ADAMTS13: variants seen among roughly 807,000 people sequenced by gnomAD.
The protein encoded by ADAMTS13 is A disintegrin and metalloproteinase with thrombospondin motifs 13.
Under a neutral mutation model 155.1 loss-of-function variants are expected in ADAMTS13, and 110 were observed. That is an observed-to-expected ratio of 0.71 (90% CI 0.61 to 0.83). ADAMTS13 has a LOEUF of 0.83. ADAMTS13 is among the 40% of genes least tolerant of loss of function. ADAMTS13 has a pLI of 0.00. For synonymous variants in ADAMTS13, 758 were observed against 756.4 expected (o/e 1.00, Z -0.03); for missense variants, 1,707 against 1,891.7 (o/e 0.90, Z 1.81).
Position 133,456,224 on chromosome 9 carries a change from AG to A in ADAMTS13, c.3547+12del, listed in dbSNP as rs782040864. 4.3e-6 allele frequency: 7 copies of A among 1,613,350 alleles called. No homozygotes were observed. The East Asian group carries it at 1.6e-4, about 36-fold the overall frequency. On this transcript the variant is annotated intron_variant, in intron 26 of 28. Transcript: ENST00000355699. This position sits in a 1 kb window ranked among gnomAD's most constrained non-coding sequence, Gnocchi z 4.4. The stretch of plus-strand genomic sequence containing the variant: ...TCTCAACTGCAGTGCGGGTATGTCT[AG>A]GGCCATGCAAGCGATGCTGCCAGTT...
rs1554788149 is a variant in ADAMTS13, at chr9:133,433,507, A to T, written c.1222A>T (p.Arg408Trp). Reference sequence around the variant, plus strand: ...CTGCGGAGGAGGTGTGGTCACCAGGAGGCGGCAGTGCAACAACCCCAGGTA... The same window carrying T: ...CTGCGGAGGAGGTGTGGTCACCAGGTGGCGGCAGTGCAACAACCCCAGGTA... ...RSCGGGVVTR[R>W]RQCNNPRPAF... The change falls in exon 10 of 29, where the codon AGG (arginine) becomes TGG (tryptophan). Residue 408 changes from arginine (R) to tryptophan (W), a missense_variant. By Grantham distance (101) the Arg-to-Trp change is moderately radical. Transcript: ENST00000355699. 1.2e-6 allele frequency: 2 copies of T among 1,613,538 alleles called. No homozygotes were observed. Among genetic ancestry groups the T allele is most frequent in the Admixed American group, 3.3e-5 (2 of 60,008 alleles).
At chr9:133,429,385 A>C (rs1840548695) in intron 7 of ADAMTS13, among the ~76,000 whole-genome samples, 2 of 109,502 alleles carry the variant, frequency 1.8e-5, no homozygotes, top group Non-Finnish European at 1.8e-5. Flanking sequence ...CCGCCCCTTG[A>C]CTCCACATAC....
chr9:133,456,433 GC>G lies in ADAMTS13; in HGVS notation c.3548-108del, dbSNP rs975838760. ...GTGCCCAGTTACTTAGAGTCACATA[GC>G]CAGCAGTGGGAGAGGTGGGACTTGA... On this transcript the variant is annotated intron_variant, in intron 26 of 28. Coordinates refer to ENST00000355699, the MANE Select transcript of ADAMTS13 (RefSeq NM_139027.6). The surrounding 1 kb of genome is among the most constrained non-coding windows in gnomAD (Gnocchi z 4.4). The G allele has an allele frequency of 6.9e-7, 1 of 1,443,016 alleles. No homozygotes were observed. The highest frequency in any genetic ancestry group is 1.4e-5 in the African/African-American group (1 of 71,344). The allele number at this position is 1,443,016 out of a possible 1,614,324, so 89.4% of individuals were successfully genotyped here. A position where few individuals can be genotyped will look rare whatever the true frequency, so the allele number is the denominator to read the frequency against.
upstream of ADAMTS13, chr9:133,417,609 T>C: frequency 6.2e-7 from 1 of 1,612,642 alleles, no homozygotes; most frequent in Non-Finnish European, 8.5e-7. Context: ...CCGGGCCCCC[T>C]CAAGCCTCAC....
chr9:133,423,036 C>T lies in ADAMTS13; in HGVS notation c.106-65C>T, dbSNP rs995866594. ...AGTGATCCTCCCACCTCGGTCTCCC[C>T]AAGTGTTAGGATTACAGGCCAGAGC... is the stretch of plus-strand genomic sequence containing the variant. On this transcript the variant is annotated intron_variant, in intron 1 of 28. Transcript: ENST00000355699. The T allele has an allele frequency of 7.5e-6, 11 of 1,465,958 alleles. No homozygotes were observed. The Admixed American group carries it at 1.9e-4, about 25-fold the overall frequency. The allele number at this position is 1,465,958 out of a possible 1,614,324, so 90.8% of individuals were successfully genotyped here.
chr9:133,449,828 G>A lies in ADAMTS13; in HGVS notation c.2907G>A (p.Gly969=). 3 of 1,614,066 alleles carry A rather than the reference G, an allele frequency of 1.9e-6. No individual in the cohort carries two copies. Among genetic ancestry groups the A allele is most frequent in the East Asian group, 2.2e-5 (1 of 44,876 alleles). ...LAACSVSCGR[G]VVRRILYCAR... is the part of the protein sequence containing the mutation. ...CCTGCAGCGTGAGCTGTGGGAGAGG[G>A]GTCGTGCGGAGGATCCTGTATTGTG... The change falls in exon 23 of 29, where the codon GGG becomes GGA. Residue 969 remains glycine (G), a synonymous_variant. Transcript: ENST00000355699.
Position 133,425,472 on chromosome 9 carries a change from G to A in ADAMTS13, c.331-57G>A. The A allele has an allele frequency of 2.0e-6, 3 of 1,525,148 alleles. No individual in the cohort carries two copies. The highest frequency in any genetic ancestry group is 2.7e-6 in the Non-Finnish European group (3 of 1,117,164). 94.5% of individuals were successfully genotyped at this position (1,525,148 alleles called of 1,614,324 possible). A position where few individuals can be genotyped will look rare whatever the true frequency, so the allele number is the denominator to read the frequency against. On this transcript the variant is annotated intron_variant, in intron 3 of 28. Transcript: ENST00000355699. This position sits in a 1 kb window ranked among gnomAD's most constrained non-coding sequence, Gnocchi z 4.6. ...CGGGGGCCCCTGGGAGTCAGCAGCT[G>A]CCTGGGGCTGGCAATGCCCACCCGA...
At position 133,428,704 on chromosome 9, in the gene ADAMTS13, G is replaced by C; in HGVS notation, c.757G>C (p.Gly253Arg). The C allele has an allele frequency of 7.4e-7, 1 of 1,353,024 alleles. No individual in the cohort carries two copies. Among genetic ancestry groups the C allele is most frequent in the East Asian group, 3.3e-5 (1 of 30,322 alleles). The allele number at this position is 1,353,024 out of a possible 1,614,324, so 83.8% of individuals were successfully genotyped here. The change falls in exon 7 of 29, where the codon GGC (glycine) becomes CGC (arginine). Residue 253 changes from glycine (G) to arginine (R), a missense_variant. Transcript: ENST00000355699. ...CAGCGGACACGTGATGGCTTCGGAC[G>C]GCGCCGCGCCCCGCGCCGGCCTCGC... Reference protein sequence around the residue: ...GPSGHVMASDGAAPRAGLAWS... With the variant: ...GPSGHVMASDRAAPRAGLAWS...
At chr9:133,414,737 A>G (rs371005191) in intron 1 of ADAMTS13, 7 of 1,614,048 alleles carry the variant, frequency 4.3e-6, no homozygotes, top group Non-Finnish European at 5.1e-6. Flanking sequence ...TTCTGGAACA[A>G]TATCACCATT....
chr9:133,415,638 G>A (rs587725435), intron 1 of ADAMTS13: 3 of 152,548 alleles, frequency 2.0e-5, no homozygotes, highest in African/African-American at 4.8e-5. Context: ...ACCACAGTGC[G>A]ATGATGAGGC....
intron 1 of ADAMTS13, among the ~76,000 whole-genome samples, chr9:133,416,625 G>A (rs1454294058): frequency 6.6e-6 from 1 of 152,216 alleles, no homozygotes; most frequent in African/African-American, 2.4e-5. Flanking sequence ...GCACGTGGAA[G>A]AGTGTCTAGG....
intron 11 of ADAMTS13, among the ~76,000 whole-genome samples, chr9:133,434,409 G>A (rs587711870): frequency 2.6e-5 from 4 of 152,148 alleles, no homozygotes; most frequent in Admixed American, 6.5e-5. Context: ...AGGTTCAAGC[G>A]ATTCTCCTGC....
chr9:133,449,622 C>A (rs1779756929), intron 22 of ADAMTS13, among the ~76,000 whole-genome samples, 161 bp from the exon 23 acceptor site: 1 of 152,252 alleles, frequency 6.6e-6, no homozygotes, highest in South Asian at 2.1e-4. Context: ...TCTGCCAAGC[C>A]TCTTGGTGAG....
chr9:133,419,400 G>T (rs1839854335), upstream of ADAMTS13, among the ~76,000 whole-genome samples: 1 of 152,194 alleles, frequency 6.6e-6, no homozygotes, highest in South Asian at 2.1e-4. Context: ...TTAGGGAAGG[G>T]TCAGTGCTGG....
intron 1 of ADAMTS13, chr9:133,415,982 A>G (rs1462623851): frequency 6.6e-6 from 1 of 152,280 alleles, no homozygotes; most frequent in Non-Finnish European, 1.5e-5. Context: ...CTGGGCAACA[A>G]AGTGAAACCC....
exon 1 of ADAMTS13, chr9:133,414,604 A>G: frequency 6.8e-7 from 1 of 1,464,050 alleles, no homozygotes; most frequent in Non-Finnish European, 9.6e-7. Flanking sequence ...CTCCATAAGG[A>G]GACAGGCCTT....
chr9:133,418,004 TG>T, upstream of ADAMTS13: 1 of 653,460 alleles, frequency 1.5e-6, no homozygotes. Context: ...CCGCACGCGT[TG>T]CGCATACCTC....
chr9:133,453,905 T>C (rs1554794946), intron 23 of ADAMTS13, among the ~76,000 whole-genome samples: 1 of 152,046 alleles, frequency 6.6e-6, no homozygotes, highest in Non-Finnish European at 1.5e-5. Context: ...GAGCACAGTA[T>C]TGCGATGAAG....
rs782698331 is a variant in ADAMTS13, at chr9:133,425,490, C to T, written c.331-39C>T. ...AGCAGCTGCCTGGGGCTGGCAATGC[C>T]CACCCGACGGGTTACCTCTCTCATC... On this transcript the variant is annotated intron_variant, in intron 3 of 28. Coordinates refer to ENST00000355699, the MANE Select transcript of ADAMTS13 (RefSeq NM_139027.6). The surrounding 1 kb of genome is among the most constrained non-coding windows in gnomAD (Gnocchi z 4.6). 4.4e-6 allele frequency: 7 copies of T among 1,584,878 alleles called. No homozygotes were observed. The highest frequency in any genetic ancestry group is 3.4e-6 in the Non-Finnish European group (4 of 1,163,972).
Sources: allele counts gnomAD v4.1 joint callset (sites outside exome capture counted in the v4.1 genomes callset), GRCh38; gene constraint gnomAD v4.1.1; non-coding constraint Gnocchi (gnomAD v3.1); transcripts MANE v1.5; gene names NCBI Gene and HGNC (gene_info 2026-07-23, HGNC 2026-07-21).